The following DAB1 variants were observed in gnomAD, a reference collection of about 807,000 sequenced individuals.
DAB1 encodes disabled homolog 1.
DAB1 carries 15 observed loss-of-function variants against 64.6 expected under a neutral mutation model. The ratio of observed to expected loss-of-function variants is 0.23; its 90% confidence interval spans 0.16 to 0.36. The LOEUF (loss-of-function observed/expected upper bound fraction) is 0.36. DAB1 is among the 10% of genes least tolerant of loss of function. DAB1 has a pLI of 1.00. For missense variants in DAB1, 596 were observed against 706.7 expected, an observed-to-expected ratio of 0.84 and a Z score of 1.78; for synonymous variants, 235 against 251.9, an observed-to-expected ratio of 0.93 and a Z score of 0.64.
intron 3 of DAB1, among the ~76,000 whole-genome samples, chr1:58,429,291 A>T (rs1210521230): frequency 6.6e-6 from 1 of 152,216 alleles, no homozygotes; most frequent in Non-Finnish European, 1.5e-5. Context: ...TCACCAGGAC[A>T]TAAAGGGCAA....
At chr1:57,533,414 G>T (rs1171685579) in intron 7 of DAB1, among the ~76,000 whole-genome samples, 1 of 150,120 alleles carries the variant, frequency 6.7e-6, no homozygotes, top group Admixed American at 6.7e-5. Context: ...ACTTTTTAAT[G>T]CTTTCCCAAA....
At chr1:58,453,521 T>C (rs138645364) in intron 3 of DAB1, among the ~76,000 whole-genome samples, 1 of 152,204 alleles carries the variant, frequency 6.6e-6, no homozygotes, top group Non-Finnish European at 1.5e-5. Flanking sequence ...ACTGGAATCC[T>C]GCCTCTCGAA....
At chr1:58,421,738 T>A (rs1357658963) in intron 3 of DAB1, among the ~76,000 whole-genome samples, 1 of 152,140 alleles carries the variant, frequency 6.6e-6, no homozygotes, top group African/African-American at 2.4e-5. Flanking sequence ...GAGAGAGGAC[T>A]CAGAGGTGCA....
intron 1 of DAB1, among the ~76,000 whole-genome samples, chr1:57,343,394 G>A (rs1339081907): frequency 6.6e-6 from 1 of 152,242 alleles, no homozygotes; most frequent in African/African-American, 2.4e-5. Context: ...TTCACCCAGT[G>A]GATCCTGCAC....
chr1:57,151,807 A>ATTTTTTTTT (rs34012935), intron 2 of DAB1, among the ~76,000 whole-genome samples: 4 of 106,248 alleles, frequency 3.8e-5, no homozygotes, highest in Admixed American at 1.1e-4. Context: ...CTAATGTTTA[A>ATTTTTTTTT]TTTTTTTTTT....
chr1:57,591,869 G>A (rs1358186657), intron 7 of DAB1, among the ~76,000 whole-genome samples: 3 of 152,188 alleles, frequency 2.0e-5, no homozygotes, highest in Non-Finnish European at 4.4e-5. Flanking sequence ...GTGTAGCGGA[G>A]TCTTTCATTC....
chr1:57,308,324 G>A (rs1674375791), intron 1 of DAB1, among the ~76,000 whole-genome samples: 1 of 152,036 alleles, frequency 6.6e-6, no homozygotes, highest in Admixed American at 6.5e-5. Flanking sequence ...CATGCAAGGA[G>A]GAATGGATAT....
intron 2 of DAB1, among the ~76,000 whole-genome samples, chr1:57,267,786 T>A (rs984433624): frequency 9.2e-5 from 14 of 152,152 alleles, no homozygotes; most frequent in African/African-American, 3.4e-4. Flanking sequence ...AAAACACATA[T>A]CGGGAAACAC....
In DAB1 at chr1:58,342,815, G is replaced by T. The variant is rs534985001; in HGVS notation, n.309+537C>A. Reference sequence around the variant, plus strand: ...TTCTTTCCCCTATCGCCACCCCATAGACCCAGCTTGGGCCCTCATAACTGT... The same window carrying T: ...TTCTTTCCCCTATCGCCACCCCATATACCCAGCTTGGGCCCTCATAACTGT... On this transcript the variant is annotated intron_variant and non_coding_transcript_variant, in intron 4 of 20. Coordinates refer to the DAB1 transcript ENST00000485760. Among the ~76,000 whole-genome samples the T allele has an allele frequency of 1.8e-4, 27 of 151,940 alleles. No homozygotes were observed. The South Asian group carries it at 5.4e-3, about 30-fold the overall frequency.
downstream of DAB1, among the ~76,000 whole-genome samples, chr1:57,821,643 G>C (rs571744727): frequency 6.6e-6 from 1 of 152,322 alleles, no homozygotes; most frequent in Non-Finnish European, 1.5e-5. Flanking sequence ...GAGAATATTT[G>C]AGGAAGCCTT....
At chr1:57,095,694 G>A (rs1251247643) in intron 4 of DAB1, among the ~76,000 whole-genome samples, 2 of 152,160 alleles carry the variant, frequency 1.3e-5, no homozygotes, top group African/African-American at 4.8e-5. Flanking sequence ...AAGTATGGAG[G>A]CTAGGTGTGA....
intron 1 of DAB1, among the ~76,000 whole-genome samples, chr1:57,838,211 G>A (rs575016258): frequency 6.6e-6 from 1 of 151,828 alleles, no homozygotes; most frequent in South Asian, 2.1e-4. Flanking sequence ...ATAAAATGAC[G>A]CTTTTCAAAA....
intron 2 of DAB1, among the ~76,000 whole-genome samples, chr1:57,275,679 G>A (rs181317893): frequency 3.9e-5 from 6 of 152,256 alleles, no homozygotes; most frequent in Admixed American, 3.3e-4. Context: ...AGCACACTCC[G>A]GTTCACAGCC....
At chr1:57,796,795 T>C (rs909977328) in intron 6 of DAB1, among the ~76,000 whole-genome samples, 1 of 152,038 alleles carries the variant, frequency 6.6e-6, no homozygotes, top group Non-Finnish European at 1.5e-5. Context: ...CATAGTCTGG[T>C]CCCTCCCTCA....
Position 57,015,238 on chromosome 1 carries a change from T to C in DAB1, c.1089A>G (p.Pro363=), listed in dbSNP as rs1253887287. The part of the protein sequence containing the change: ...PWPTVAGQFP[P]AAFMPTQTVM... ...CAGTTTGTGTGGGCATGAAGGCGGC[T>C]GGCGGAAACTGCCCGGCCACAGTTG... The change falls in exon 12 of 15, where the codon CCA becomes CCG. Residue 363 remains proline, a synonymous_variant. Coordinates refer to ENST00000371236, the MANE Select transcript of DAB1 (RefSeq NM_001365792.1). 5.0e-6 allele frequency: 8 copies of C among 1,613,930 alleles called. No homozygotes were observed. The highest frequency in any genetic ancestry group is 6.8e-6 in the Non-Finnish European group (8 of 1,180,016).
chr1:58,126,358 T>G (rs1000105575), intron 5 of DAB1, among the ~76,000 whole-genome samples: 1 of 152,090 alleles, frequency 6.6e-6, no homozygotes, highest in Non-Finnish European at 1.5e-5. Context: ...CCTTTGAGGC[T>G]CAGCTTGAAC....
chr1:57,879,816 A>G (rs1041416476), intron 1 of DAB1, among the ~76,000 whole-genome samples: 9 of 152,162 alleles, frequency 5.9e-5, no homozygotes, highest in African/African-American at 2.2e-4. Flanking sequence ...CATCCCCAGA[A>G]CAAGCCCATT....
chr1:57,115,256 C>A (rs1013972728), intron 4 of DAB1, among the ~76,000 whole-genome samples: 3 of 152,188 alleles, frequency 2.0e-5, no homozygotes, highest in African/African-American at 7.2e-5. Flanking sequence ...AGCTTTGTAT[C>A]CTGAACAAGT....
chr1:57,142,360 G>A (rs17115195), intron 3 of DAB1, among the ~76,000 whole-genome samples: 3,324 of 152,218 alleles, frequency 0.022, 142 homozygotes, highest in African/African-American at 0.077. Context: ...CTGGCAGATG[G>A]CCAAATGGAG....
Sources: gnomAD v4.1 joint callset for allele counts (sites outside exome capture counted in the v4.1 genomes callset) on GRCh38, gnomAD v4.1.1 for gene constraint, MANE v1.5 for transcripts, NCBI Gene and HGNC (gene_info 2026-07-23, HGNC 2026-07-21) for gene names.